The following ZNF518A variants were observed in gnomAD, a reference collection of about 807,000 sequenced individuals.
The protein encoded by ZNF518A is zinc finger protein 518A.
A neutral mutation model predicts 102.7 loss-of-function variants in ZNF518A; 47 were observed. The observed-to-expected ratio is 0.46, with a 90% CI of 0.36 to 0.58. The LOEUF is 0.58. Ranked by LOEUF, ZNF518A falls within the 20% of genes least tolerant of loss-of-function variation. The pLI, the probability that ZNF518A is intolerant of heterozygous loss-of-function variation, is 0.00. For missense variants in ZNF518A, 1,793 were observed against 1,699.8 expected, an observed-to-expected ratio of 1.05 and a Z score of -0.96; for synonymous variants, 652 against 594.6, an observed-to-expected ratio of 1.10 and a Z score of -1.40.
Position 96,132,633 on chromosome 10 carries a change from A to G in ZNF518A, c.-405A>G, listed in dbSNP as rs2081396143. ...CTGTTCCTGATTGTGACATTGTGCA[A>G]GTGTTAAATTGTGTGCCTTTTGTTC... is the stretch of plus-strand genomic sequence containing the variant. On this transcript the variant is annotated 5_prime_UTR_variant, in exon 2 of 6. Transcript: ENST00000316045. 1 of 152,026 alleles carries G rather than the reference A, an allele frequency of 6.6e-6. No individual in the cohort carries two copies. The highest frequency in any genetic ancestry group is 6.6e-5 in the Admixed American group (1 of 15,262). The allele number at this position is 152,026 out of a possible 1,614,324, so 9.4% of individuals were successfully genotyped here. A position where few individuals can be genotyped will look rare whatever the true frequency, so the allele number is the denominator to read the frequency against.
chr10:96,178,582 A>C (rs182073999), intron 1 of ZNF518A, among the ~76,000 whole-genome samples: 263 of 152,216 alleles, frequency 1.7e-3, no homozygotes, highest in African/African-American at 6.2e-3. Context: ...AAATGAGCAG[A>C]AGAAAGGAAA....
chr10:96,175,877 C>CCCTTCCTTCCTT (rs782226974), intron 1 of ZNF518A, among the ~76,000 whole-genome samples: 49 of 49,762 alleles, frequency 9.8e-4, no homozygotes, highest in African/African-American at 2.7e-3. Flanking sequence ...CTCCCTCCCT[C>CCCTTCCTTCCTT]CCTTCCTTCC....
rs185669851 is a variant in ZNF518A at position 96,137,797 on chromosome 10, C to T, written c.-302+4149C>T. 3.5e-4 allele frequency among the ~76,000 whole-genome samples: 53 copies of T among 152,294 alleles called. 1 individual carries two copies. The highest frequency in any genetic ancestry group is 2.7e-3 in the Admixed American group (42 of 15,306). On this transcript the variant is annotated intron_variant, in intron 3 of 5. Coordinates refer to ENST00000316045, the MANE Select transcript of ZNF518A (RefSeq NM_001330736.2). ...AGTACATATGTACATATACACACACCGATAACTCCCCAAATTTCATCATCC... is the reference window on the plus strand; with the variant it reads ...AGTACATATGTACATATACACACACTGATAACTCCCCAAATTTCATCATCC...
chr10:96,170,275 A>G (rs587597483), intron 1 of ZNF518A, among the ~76,000 whole-genome samples: 2 of 152,336 alleles, frequency 1.3e-5, no homozygotes, highest in South Asian at 2.1e-4. Flanking sequence ...GGCAGCAGCA[A>G]ATAAAGCATT....
chr10:96,148,811 G>A (rs1554879449), intron 3 of ZNF518A, among the ~76,000 whole-genome samples: 1 of 152,178 alleles, frequency 6.6e-6, no homozygotes, highest in Non-Finnish European at 1.5e-5. Context: ...TGCCTCCCAG[G>A]TTCACACCAT....
intron 1 of ZNF518A, among the ~76,000 whole-genome samples, chr10:96,201,897 A>T (rs11188663): frequency 0.28 from 42,748 of 151,806 alleles, 6,693 homozygotes; most frequent in Non-Finnish European, 0.35. Flanking sequence ...ATAAGTAAAA[A>T]ATATATATAT....
rs2083075329 is a variant in ZNF518A, at chr10:96,163,477, G to A, written c.*2703G>A. ...AGTTTGTCCATCTCCACTGAAATGGGTTTCTTACTATTTGGCAAGTACTTA... is the reference window on the plus strand; with the variant it reads ...AGTTTGTCCATCTCCACTGAAATGGATTTCTTACTATTTGGCAAGTACTTA... On this transcript the variant is annotated 3_prime_UTR_variant, in exon 6 of 6. Transcript: ENST00000316045. 6.0e-6 allele frequency: 1 copy of A among 166,878 alleles called. No individual in the cohort carries two copies. The highest frequency in any genetic ancestry group is 2.4e-5 in the African/African-American group (1 of 41,382). The allele number at this position is 166,878 out of a possible 1,614,324, so 10.3% of individuals were successfully genotyped here. A position where few individuals can be genotyped will look rare whatever the true frequency, so the allele number is the denominator to read the frequency against.
chr10:96,164,362 A>G (rs2083101974), downstream of ZNF518A, among the ~76,000 whole-genome samples: 1 of 152,200 alleles, frequency 6.6e-6, no homozygotes, highest in African/African-American at 2.4e-5. Context: ...CCTTGCTCTC[A>G]GCATACTACC....
chr10:96,153,163 T>C (rs2082532319), intron 3 of ZNF518A, among the ~76,000 whole-genome samples: 1 of 152,236 alleles, frequency 6.6e-6, no homozygotes, highest in Admixed American at 6.5e-5. Flanking sequence ...GGAGTTCTGA[T>C]GCCCAAGGGC....
chr10:96,133,415 CAT>C (rs1177850132), intron 2 of ZNF518A, 166 bp from the exon 3 acceptor site: 7 of 152,068 alleles, frequency 4.6e-5, no homozygotes, highest in Admixed American at 2.0e-4. Context: ...TGAAGACAGT[CAT>C]GTGAATGTCT....
intron 1 of ZNF518A, among the ~76,000 whole-genome samples, chr10:96,173,906 G>A (rs1554891186): frequency 6.6e-6 from 1 of 152,136 alleles, no homozygotes. Context: ...ATGATACAAA[G>A]TGTGTTCTCC....
chr10:96,140,492 T>C (rs1554876118), intron 3 of ZNF518A, among the ~76,000 whole-genome samples: 1 of 152,210 alleles, frequency 6.6e-6, no homozygotes, highest in African/African-American at 2.4e-5. Flanking sequence ...CTGCCTATTC[T>C]AAATCACTGT....
At chr10:96,150,501 C>T (rs1271958739) in intron 3 of ZNF518A, among the ~76,000 whole-genome samples, 1 of 150,088 alleles carries the variant, frequency 6.7e-6, no homozygotes, top group African/African-American at 2.4e-5. Context: ...CTAATCTTGC[C>T]TGGTATTTGG....
chr10:96,159,548 T>G lies in ZNF518A; in HGVS notation c.3226T>G (p.Leu1076Val), dbSNP rs782737470. 1.9e-6 allele frequency: 3 copies of G among 1,613,908 alleles called. No homozygotes were observed. In the South Asian group the frequency reaches 3.3e-5, roughly 18 times the overall value. Residue 1076 changes from leucine (L) to valine (V), a missense_variant, in exon 6 of 6, where the codon TTG (leucine) becomes GTG (valine). This residue lies in a region of ZNF518A where 1,741 missense variants were observed against 1,622.6 expected (regional missense o/e 1.07). Transcript: ENST00000316045. ...NMLSEQQSTK[L>V]NISDSVKQQN... ...GCTATCTGAGCAACAGAGCACTAAG[T>G]TGAATATCTCCGATTCAGTAAAACA...
chr10:96,150,691 AT>A lies in ZNF518A; in HGVS notation c.-301-4626del, dbSNP rs1184641978. On this transcript the variant is annotated intron_variant, in intron 3 of 5. Coordinates refer to ENST00000316045, the MANE Select transcript of ZNF518A (RefSeq NM_001330736.2). ...TACTGAGGTTGCTAGTTATTACTTG[AT>A]TTTTTTTTAAGTTTTCTTTTTTTTT... is the stretch of plus-strand genomic sequence containing the variant. Among the ~76,000 whole-genome samples the A allele has an allele frequency of 5.9e-3, 446 of 76,198 alleles. 3 individuals are homozygous for A. The highest frequency in any genetic ancestry group is 0.021 in the African/African-American group (405 of 19,716). 50.0% of individuals were successfully genotyped at this position (76,198 alleles called of 152,430 possible).
intron 3 of ZNF518A, among the ~76,000 whole-genome samples, chr10:96,154,895 A>C: frequency 6.6e-6 from 1 of 152,258 alleles, no homozygotes; most frequent in East Asian, 1.9e-4. Context: ...TCAACTTTTA[A>C]TGATTCCCTC....
At chr10:96,172,237 C>T (rs1039531547) in intron 1 of ZNF518A, among the ~76,000 whole-genome samples, 11 of 152,034 alleles carry the variant, frequency 7.2e-5, no homozygotes, top group African/African-American at 2.7e-4. Context: ...TTTCCTTTCT[C>T]TTAAAAGGCA....
At chr10:96,197,142 A>C in intron 1 of ZNF518A, 1 of 1,120,206 alleles carries the variant, frequency 8.9e-7, no homozygotes, top group Non-Finnish European at 1.3e-6. Flanking sequence ...CATTTTGTGA[A>C]GAACACCTAT....
chr10:96,130,403 C>T lies in ZNF518A; in HGVS notation c.-802C>T, dbSNP rs2081264446. Among the ~76,000 whole-genome samples the T allele has an allele frequency of 6.6e-6, 1 of 152,206 alleles. No individual in the cohort carries two copies. Among genetic ancestry groups the T allele is most frequent in the African/African-American group, 2.4e-5 (1 of 41,456 alleles). On this transcript the variant is annotated 5_prime_UTR_variant, in exon 1 of 6. Coordinates refer to ENST00000316045, the MANE Select transcript of ZNF518A (RefSeq NM_001330736.2). ...TCTTAACCTGGGGTTGTTTTACTTCCGGGCTTTTTGAACTCTACACTCTCC... is the reference window on the plus strand; with the variant it reads ...TCTTAACCTGGGGTTGTTTTACTTCTGGGCTTTTTGAACTCTACACTCTCC...
Sources: allele counts gnomAD v4.1 joint callset (sites outside exome capture counted in the v4.1 genomes callset), GRCh38; gene constraint gnomAD v4.1.1; regional missense constraint gnomAD v4.1.1; transcripts MANE v1.5; gene names NCBI Gene and HGNC (gene_info 2026-07-23, HGNC 2026-07-21).